NCOA3: variants seen among roughly 807,000 people sequenced by gnomAD.
NCOA3 encodes CBP-interacting protein.
In NCOA3, 51 loss-of-function variants were observed where a neutral mutation model predicts 158.8. That is an observed-to-expected ratio of 0.32 (90% confidence interval 0.26 to 0.41). The LOEUF (loss-of-function observed/expected upper bound fraction) is 0.41, where lower values mean the gene tolerates loss of function less well. NCOA3 is among the 10% of genes least tolerant of loss of function. NCOA3 has a pLI of 1.00. For synonymous variants in NCOA3, 537 were observed against 592.4 expected, an observed-to-expected ratio of 0.91 and a Z score of 1.36; for missense variants, 1,510 against 1,746.6, an observed-to-expected ratio of 0.86 and a Z score of 2.41.
At chr20:47,634,923 T>C (rs574756022) in intron 10 of NCOA3, among the ~76,000 whole-genome samples, 173 of 111,682 alleles carry the variant, frequency 1.5e-3, no homozygotes, top group African/African-American at 2.5e-3. Flanking sequence ...TCTTCTTCTT[T>C]TTTTTTTTTT....
intron 2 of NCOA3, among the ~76,000 whole-genome samples, chr20:47,587,604 A>C (rs1344192065): frequency 6.6e-6 from 1 of 152,208 alleles, no homozygotes; most frequent in East Asian, 1.9e-4. Flanking sequence ...GCTTTAAGTC[A>C]TCTCTAGATT....
intron 10 of NCOA3, among the ~76,000 whole-genome samples, 167 bp from the exon 11 acceptor site, chr20:47,635,155 C>T (rs1383560732): frequency 2.0e-5 from 3 of 152,082 alleles, no homozygotes; most frequent in South Asian, 2.1e-4. Context: ...TTTCAAACTC[C>T]TGAGCTCAAG....
At chr20:47,578,322 A>G (rs1273491963) in intron 1 of NCOA3, among the ~76,000 whole-genome samples, 1 of 152,134 alleles carries the variant, frequency 6.6e-6, no homozygotes, top group Non-Finnish European at 1.5e-5. Flanking sequence ...AGTAGCTGGA[A>G]CTACAGGCGC....
intron 2 of NCOA3, among the ~76,000 whole-genome samples, chr20:47,620,535 G>A (rs1056443236): frequency 5.3e-5 from 8 of 152,160 alleles, no homozygotes; most frequent in Admixed American, 2.6e-4. Context: ...TCTCCCCCCC[G>A]GGTCAGGATT....
chr20:47,587,372 C>T (rs183493698), intron 2 of NCOA3, among the ~76,000 whole-genome samples: 94 of 152,246 alleles, frequency 6.2e-4, no homozygotes, highest in Non-Finnish European at 1.2e-3. Flanking sequence ...TACTTCTGGG[C>T]TGTTTTCTCA....
At chr20:47,503,347 T>C (rs1005344767) in intron 1 of NCOA3, among the ~76,000 whole-genome samples, 4 of 152,244 alleles carry the variant, frequency 2.6e-5, no homozygotes, top group African/African-American at 9.6e-5. Context: ...TGTTTGTTCT[T>C]GAAAATATTT....
chr20:47,633,516 A>G lies in NCOA3; in HGVS notation c.844A>G (p.Thr282Ala), dbSNP rs778335400. 13 of 1,611,812 alleles carry G rather than the reference A, an allele frequency of 8.1e-6. No homozygotes were observed. Among genetic ancestry groups the G allele is most frequent in the Non-Finnish European group, 1.1e-5 (13 of 1,179,234 alleles). The change falls in exon 9 of 23, where the codon ACA becomes GCA. Residue 282 changes from threonine (T) to alanine (A), a missense_variant. Thr to Ala is a moderately conservative substitution (Grantham distance 58). Around this residue, in one of 4 missense-constraint regions of NCOA3, gnomAD observed 309 missense variants for 427.1 expected, o/e 0.72. Coordinates refer to ENST00000371998, the MANE Select transcript of NCOA3 (RefSeq NM_181659.3). ...AATAGGAAAGGTTGTCAATATAGAT[A>G]CAAATTCACTGAGATCCTCCATGAG... is the stretch of plus-strand genomic sequence containing the variant. ...DLSGKVVNID[T>A]NSLRSSMRPG...
At chr20:47,624,972 C>T (rs530870579) in intron 4 of NCOA3, among the ~76,000 whole-genome samples, 7 of 152,130 alleles carry the variant, frequency 4.6e-5, no homozygotes, top group African/African-American at 1.7e-4. Flanking sequence ...GGGGTTTTGC[C>T]ATGTTGGCCA....
chr20:47,639,851 A>G, intron 15 of NCOA3, 29 bp downstream of exon 15: 1 of 1,612,382 alleles, frequency 6.2e-7, no homozygotes. Context: ...CTCTTCATGA[A>G]AAAAGAAAGT....
At chr20:47,577,087 A>T (rs921031898) in intron 1 of NCOA3, among the ~76,000 whole-genome samples, 2 of 152,218 alleles carry the variant, frequency 1.3e-5, no homozygotes, top group Non-Finnish European at 2.9e-5. Context: ...AATTTAAAAA[A>T]ATTTAGGCTA....
chr20:47,511,351 G>A (rs1265625197), intron 1 of NCOA3, among the ~76,000 whole-genome samples: 1 of 146,080 alleles, frequency 6.8e-6, no homozygotes, highest in African/African-American at 2.5e-5. Flanking sequence ...GGGCTCAAGC[G>A]GTTTTCCTGC....
intron 8 of NCOA3, among the ~76,000 whole-genome samples, chr20:47,633,285 A>G (rs2086453211): frequency 6.6e-6 from 1 of 152,210 alleles, no homozygotes; most frequent in Admixed American, 6.5e-5. Context: ...CAAATGTATT[A>G]TTATACTCCT....
At position 47,511,550 on chromosome 20, in the gene NCOA3, T is replaced by TATACACACACACATACAC. The variant is rs1556556372; in HGVS notation, c.-99+9534_-99+9535insCACACACACATACACATA. Among the ~76,000 whole-genome samples, 33 of 52,270 alleles carry TATACACACACACATACAC rather than the reference T, an allele frequency of 6.3e-4. 5 individuals are homozygous for TATACACACACACATACAC. In the Middle Eastern group the frequency reaches 0.042, roughly 66 times the overall value. 34.3% of individuals were successfully genotyped at this position (52,270 alleles called of 152,430 possible). A position where few individuals can be genotyped will look rare whatever the true frequency, so the allele number is the denominator to read the frequency against. On this transcript the variant is annotated intron_variant, in intron 1 of 22. Coordinates refer to ENST00000371998, the MANE Select transcript of NCOA3 (RefSeq NM_181659.3). The stretch of plus-strand genomic sequence containing the variant: ...ATATATATATATATATATATATATA[T>TATACACACACACATACAC]ATATATTTCTTTTTTTTTTTGAGAC...
At chr20:47,543,506 T>C (rs1391147470) in intron 1 of NCOA3, among the ~76,000 whole-genome samples, 1 of 151,688 alleles carries the variant, frequency 6.6e-6, no homozygotes, top group Admixed American at 6.6e-5. Flanking sequence ...TTCTTTCTTC[T>C]TCTTCTTTTT....
At chr20:47,537,300 A>G (rs2084650186) in intron 1 of NCOA3, among the ~76,000 whole-genome samples, 1 of 152,190 alleles carries the variant, frequency 6.6e-6, no homozygotes, top group East Asian at 1.9e-4. Flanking sequence ...GTAGCGTTGT[A>G]AAGAACTTAT....
chr20:47,503,362 T>C (rs1002701322), intron 1 of NCOA3, among the ~76,000 whole-genome samples: 6 of 152,226 alleles, frequency 3.9e-5, no homozygotes, highest in Non-Finnish European at 5.9e-5. Flanking sequence ...ATATTTTAAA[T>C]GTATGCTCAT....
At chr20:47,615,470 A>G (rs183841564) in intron 2 of NCOA3, among the ~76,000 whole-genome samples, 1 of 152,300 alleles carries the variant, frequency 6.6e-6, no homozygotes, top group African/African-American at 2.4e-5. Flanking sequence ...GTGTATAATC[A>G]AACTTTTTCC....
At chr20:47,519,212 A>G (rs910655558) in intron 1 of NCOA3, among the ~76,000 whole-genome samples, 1 of 151,720 alleles carries the variant, frequency 6.6e-6, no homozygotes, top group African/African-American at 2.4e-5. Context: ...AGGCGGGTGG[A>G]TCACTTGAGG....
intron 2 of NCOA3, among the ~76,000 whole-genome samples, chr20:47,616,958 C>T (rs986077851): frequency 6.6e-6 from 1 of 151,828 alleles, no homozygotes; most frequent in Non-Finnish European, 1.5e-5. Context: ...ATAGACTGTT[C>T]TTTTTTTTCT....
Sources: gnomAD v4.1 joint callset for allele counts (sites outside exome capture counted in the v4.1 genomes callset) on GRCh38, gnomAD v4.1.1 for gene constraint, gnomAD v4.1.1 regional missense constraint, MANE v1.5 for transcripts, NCBI Gene and HGNC (gene_info 2026-07-23, HGNC 2026-07-21) for gene names.